HHAT: variants seen among roughly 807,000 people sequenced by gnomAD.
HHAT encodes the protein protein-cysteine N-palmitoyltransferase HHAT.
A neutral mutation model predicts 70.8 loss-of-function variants in HHAT; 47 were observed. The ratio of observed to expected loss-of-function variants is 0.66; its 90% CI spans 0.53 to 0.85. HHAT has a LOEUF of 0.85. Among genes scored for constraint, HHAT ranks in the 40% least tolerant of loss-of-function variants. The pLI, the probability that HHAT is intolerant of heterozygous loss-of-function variation, is 0.00. For synonymous variants in HHAT, 228 were observed against 247.6 expected (o/e 0.92, Z 0.74); for missense variants, 609 against 604.8 (o/e 1.01, Z -0.07).
intron 6 of HHAT, among the ~76,000 whole-genome samples, chr1:210,417,438 T>C (rs1039980805): frequency 3.9e-5 from 6 of 152,290 alleles, no homozygotes; most frequent in African/African-American, 1.4e-4. Flanking sequence ...TTTCACCATA[T>C]TGGCCAGGCT....
At chr1:210,534,195 G>A (rs1007547203) in intron 9 of HHAT, among the ~76,000 whole-genome samples, 1 of 152,148 alleles carries the variant, frequency 6.6e-6, no homozygotes, top group Non-Finnish European at 1.5e-5. Context: ...TCTGTGAGGG[G>A]CATCCATTCT....
intron 10 of HHAT, chr1:210,590,467 A>G (rs761307918): frequency 6.7e-6 from 1 of 148,296 alleles, no homozygotes; most frequent in Non-Finnish European, 1.5e-5. Context: ...GAAATTTAGT[A>G]TACAGAATTA....
At chr1:210,587,049 G>C (rs554230980) in intron 9 of HHAT, among the ~76,000 whole-genome samples, 1 of 152,280 alleles carries the variant, frequency 6.6e-6, no homozygotes, top group East Asian at 1.9e-4. Context: ...GCACCCATCT[G>C]CTGCACCCAG....
intron 3 of HHAT, among the ~76,000 whole-genome samples, chr1:210,382,016 A>G (rs1435097662): frequency 6.6e-6 from 1 of 152,238 alleles, no homozygotes; most frequent in Non-Finnish European, 1.5e-5. Flanking sequence ...GAGAAAGCAC[A>G]GAACCAGAAT....
intron 9 of HHAT, among the ~76,000 whole-genome samples, chr1:210,539,323 T>C (rs984407721): frequency 2.0e-5 from 3 of 152,178 alleles, no homozygotes; most frequent in Non-Finnish European, 4.4e-5. Flanking sequence ...TAAATTGTTT[T>C]AGTGTTTGAA....
intron 7 of HHAT, among the ~76,000 whole-genome samples, chr1:210,438,397 A>T (rs1035514422): frequency 1.3e-5 from 2 of 151,772 alleles, no homozygotes; most frequent in East Asian, 3.9e-4. Flanking sequence ...GAAGAGGTCT[A>T]CCAAAGCTGT....
chr1:210,352,547 A>G (rs879776804), intron 2 of HHAT, among the ~76,000 whole-genome samples: 11 of 152,046 alleles, frequency 7.2e-5, no homozygotes, highest in Non-Finnish European at 1.2e-4. Flanking sequence ...CTCCAAGTGT[A>G]TTTGTTCAGT....
At chr1:210,353,732 T>C (rs905826673) in intron 2 of HHAT, among the ~76,000 whole-genome samples, 2 of 152,154 alleles carry the variant, frequency 1.3e-5, no homozygotes, top group African/African-American at 4.8e-5. Context: ...TATTTTTTCT[T>C]TCTTTGATCA....
At chr1:210,406,546 G>A (rs574037133) in intron 6 of HHAT, among the ~76,000 whole-genome samples, 1 of 151,996 alleles carries the variant, frequency 6.6e-6, no homozygotes, top group East Asian at 1.9e-4. Flanking sequence ...GCATGCACCA[G>A]CAAGTCCAGC....
At chr1:210,334,063 C>A (rs1365529601) in intron 1 of HHAT, among the ~76,000 whole-genome samples, 1 of 151,986 alleles carries the variant, frequency 6.6e-6, no homozygotes, top group East Asian at 1.9e-4. Flanking sequence ...CTCATGTCCC[C>A]CTGAATTCTC....
intron 3 of HHAT, 121 bp downstream of exon 3, chr1:210,363,040 T>C: frequency 1.2e-6 from 1 of 834,734 alleles, no homozygotes; most frequent in Non-Finnish European, 2.0e-6. Flanking sequence ...TGAAGCACCC[T>C]TTTTGCCGTA....
intron 8 of HHAT, among the ~76,000 whole-genome samples, chr1:210,477,660 C>T (rs1409448345): frequency 6.6e-6 from 1 of 152,216 alleles, no homozygotes; most frequent in Non-Finnish European, 1.5e-5. Flanking sequence ...TTGCTAGCTG[C>T]AGGCTACAGA....
intron 7 of HHAT, among the ~76,000 whole-genome samples, chr1:210,455,502 C>A (rs576621925): frequency 2.0e-5 from 3 of 152,088 alleles, no homozygotes. Flanking sequence ...ACTCCCTGGT[C>A]AGCTTCACAC....
rs553363890 is a variant in HHAT at position 210,512,631 on chromosome 1, G to A, written c.1008-522G>A. The stretch of plus-strand genomic sequence containing the variant: ...AGGCTGCAGTAAATGTGATCGCACC[G>A]CTGCACTTCAGCCTGGGTGACAAAG... On this transcript the variant is annotated intron_variant, in intron 8 of 11. Coordinates refer to ENST00000261458, the MANE Select transcript of HHAT (RefSeq NM_018194.6). Among the ~76,000 whole-genome samples the A allele has an allele frequency of 2.5e-3, 365 of 145,202 alleles. 1 individual carries two copies. The highest frequency in any genetic ancestry group is 7.9e-3 in the African/African-American group (308 of 38,836).
At chr1:210,499,339 G>A (rs1012554664) in intron 8 of HHAT, among the ~76,000 whole-genome samples, 7 of 152,066 alleles carry the variant, frequency 4.6e-5, no homozygotes, top group African/African-American at 1.5e-4. Flanking sequence ...ATAATTTGAT[G>A]GAAAGCTATG....
At chr1:210,498,421 A>G (rs1430344822) in intron 8 of HHAT, among the ~76,000 whole-genome samples, 1 of 152,142 alleles carries the variant, frequency 6.6e-6, no homozygotes, top group African/African-American at 2.4e-5. Context: ...ATTCAGTGGG[A>G]GAGGAATTTA....
intron 8 of HHAT, among the ~76,000 whole-genome samples, chr1:210,504,790 A>G (rs2148556602): frequency 6.6e-6 from 1 of 151,964 alleles, no homozygotes; most frequent in Middle Eastern, 3.4e-3. Context: ...TTTCTATCAG[A>G]CCTTGGTATT....
At chr1:210,598,908 A>T (rs1434960596) in intron 10 of HHAT, among the ~76,000 whole-genome samples, 1 of 152,010 alleles carries the variant, frequency 6.6e-6, no homozygotes, top group East Asian at 1.9e-4. Flanking sequence ...ATATTGCTTC[A>T]CCTCCCACTT....
intron 7 of HHAT, among the ~76,000 whole-genome samples, chr1:210,456,727 G>A (rs563431073): frequency 2.0e-5 from 3 of 152,320 alleles, no homozygotes; most frequent in African/African-American, 7.2e-5. Context: ...TCTCCCTGGT[G>A]GGGCTGCTTC....
Sources: gnomAD v4.1 joint callset for allele counts (sites outside exome capture counted in the v4.1 genomes callset) on GRCh38, gnomAD v4.1.1 for gene constraint, MANE v1.5 for transcripts, NCBI Gene and HGNC (gene_info 2026-07-23, HGNC 2026-07-21) for gene names.